Variants in ST6GALNAC3 observed in about 807,000 individuals in gnomAD.
The protein encoded by ST6GALNAC3 is ST6 N-acetylgalactosaminide alpha-2,6-sialyltransferase 3.
Under a neutral mutation model 32.7 loss-of-function variants are expected in ST6GALNAC3, and 25 were observed. The observed-to-expected ratio is 0.76, with a 90% CI of 0.56 to 1.07. The LOEUF is 1.07. Among genes scored for constraint, ST6GALNAC3 ranks in the 50% least tolerant of loss-of-function variants. The probability of loss-of-function intolerance (pLI) is 0.00; values close to 1 mark genes in which losing one functional copy is unlikely to be tolerated. For synonymous variants in ST6GALNAC3, 129 were observed against 133.1 expected (o/e 0.97, Z 0.21); for missense variants, 355 against 382.4 (o/e 0.93, Z 0.60).
chr1:76,437,022 G>A (rs1047350000), intron 3 of ST6GALNAC3, among the ~76,000 whole-genome samples: 1 of 152,102 alleles, frequency 6.6e-6, no homozygotes, highest in South Asian at 2.1e-4. Context: ...GGTGAGCTTT[G>A]CTGTACACTC....
At chr1:76,327,330 A>G (rs1184503615) in intron 2 of ST6GALNAC3, among the ~76,000 whole-genome samples, 1 of 151,192 alleles carries the variant, frequency 6.6e-6, no homozygotes, top group Non-Finnish European at 1.5e-5. Context: ...GTGTATAGAG[A>G]GAGATATTGA....
At chr1:76,491,896 T>A (rs1013906921) in intron 3 of ST6GALNAC3, among the ~76,000 whole-genome samples, 4 of 152,194 alleles carry the variant, frequency 2.6e-5, no homozygotes, top group Non-Finnish European at 5.9e-5. Flanking sequence ...TAGTTTTTGT[T>A]ATCTCTTTTT....
chr1:76,344,130 G>T (rs1648295534), intron 2 of ST6GALNAC3, among the ~76,000 whole-genome samples: 1 of 152,224 alleles, frequency 6.6e-6, no homozygotes, highest in South Asian at 2.1e-4. Context: ...ATGATATTCT[G>T]CTAGAGTTAT....
chr1:76,350,282 C>T (rs116571895), intron 2 of ST6GALNAC3, among the ~76,000 whole-genome samples: 2,016 of 152,132 alleles, frequency 0.013, 54 homozygotes, highest in African/African-American at 0.046. Flanking sequence ...CCTTCTGAGC[C>T]TCCTGAGTAG....
intron 2 of ST6GALNAC3, among the ~76,000 whole-genome samples, chr1:76,352,414 T>C (rs1426719051): frequency 1.3e-5 from 2 of 151,208 alleles, no homozygotes; most frequent in Non-Finnish European, 2.9e-5. Flanking sequence ...TTAAATGAAA[T>C]AAGATAGTAA....
At chr1:76,282,862 C>G (rs1461002623) in intron 1 of ST6GALNAC3, among the ~76,000 whole-genome samples, 3 of 95,212 alleles carry the variant, frequency 3.2e-5, no homozygotes, top group Non-Finnish European at 4.7e-5. Flanking sequence ...CATCCCATCT[C>G]TACTAAAAAA....
intron 2 of ST6GALNAC3, among the ~76,000 whole-genome samples, chr1:76,328,169 A>G (rs1647115765): frequency 6.6e-6 from 1 of 152,216 alleles, no homozygotes; most frequent in Non-Finnish European, 1.5e-5. Flanking sequence ...ATAATCAATT[A>G]CACAGAAAGG....
At chr1:76,085,828 A>T (rs540046619) in intron 1 of ST6GALNAC3, among the ~76,000 whole-genome samples, 1 of 152,230 alleles carries the variant, frequency 6.6e-6, no homozygotes, top group South Asian at 2.1e-4. Context: ...ATTCAAACCC[A>T]TGCATTCCCC....
chr1:76,551,942 G>A lies in ST6GALNAC3; in HGVS notation c.624-75510G>A, dbSNP rs114566295. 2.5e-3 allele frequency among the ~76,000 whole-genome samples: 379 copies of A among 152,266 alleles called. 3 individuals are homozygous for A. The highest frequency in any genetic ancestry group is 8.7e-3 in the African/African-American group (360 of 41,570). ...CAGCTCCACTGTTGGGGGCAGTGGG[G>A]TCACTGCCAATGGTTCATGCTTTGG... On this transcript the variant is annotated intron_variant, in intron 3 of 4. Transcript: ENST00000328299.
intron 2 of ST6GALNAC3, among the ~76,000 whole-genome samples, chr1:76,324,817 G>T (rs1647035630): frequency 6.6e-6 from 1 of 152,102 alleles, no homozygotes; most frequent in Non-Finnish European, 1.5e-5. Flanking sequence ...GAGAAACTGA[G>T]TGTGGGCTAT....
intron 1 of ST6GALNAC3, among the ~76,000 whole-genome samples, chr1:76,081,620 G>A (rs7537853): frequency 0.024 from 3,700 of 152,238 alleles, 119 homozygotes; most frequent in Admixed American, 0.078. Context: ...TGCAAAGACT[G>A]AGGAGATAAG....
chr1:76,261,168 T>C (rs1658212311), intron 1 of ST6GALNAC3, among the ~76,000 whole-genome samples: 2 of 152,194 alleles, frequency 1.3e-5, no homozygotes, highest in Admixed American at 1.3e-4. Context: ...CACTTGAATG[T>C]GTTCTTCCTA....
chr1:76,291,826 T>C (rs1660113858), intron 1 of ST6GALNAC3, among the ~76,000 whole-genome samples: 1 of 152,270 alleles, frequency 6.6e-6, no homozygotes, highest in African/African-American at 2.4e-5. Context: ...TGATTAGTGA[T>C]GTGCAATTTG....
intron 2 of ST6GALNAC3, among the ~76,000 whole-genome samples, chr1:76,374,970 A>G (rs986625112): frequency 2.0e-5 from 3 of 152,004 alleles, no homozygotes; most frequent in African/African-American, 7.2e-5. Flanking sequence ...CTTGGTTTTT[A>G]TAACAACAGT....
rs185866413 is a variant in ST6GALNAC3 at position 76,189,727 on chromosome 1, G to A, written c.18+114843G>A. On this transcript the variant is annotated intron_variant, in intron 1 of 4. Transcript: ENST00000328299. ...CCTCCCACCATGTGGAGGTATGGAG[G>A]AGAGAAAGGCTCTTGCAGAAAAGTA... is the stretch of plus-strand genomic sequence containing the variant. 5.7e-4 allele frequency among the ~76,000 whole-genome samples: 86 copies of A among 151,358 alleles called. No homozygotes were observed. The East Asian group carries it at 0.016, about 29-fold the overall frequency.
intron 2 of ST6GALNAC3, 163 bp from the exon 3 acceptor site, chr1:76,411,845 T>G (rs899443876): frequency 4.4e-6 from 3 of 682,266 alleles, no homozygotes; most frequent in Non-Finnish European, 6.9e-6. Context: ...TGCTGTTAAC[T>G]TGATAATCTG....
intron 1 of ST6GALNAC3, among the ~76,000 whole-genome samples, chr1:76,107,584 G>A (rs1212600950): frequency 6.6e-6 from 1 of 152,120 alleles, no homozygotes; most frequent in Non-Finnish European, 1.5e-5. Flanking sequence ...GTACACAGGG[G>A]CTTTTTTTCT....
At chr1:76,334,521 A>G (rs1647313349) in intron 2 of ST6GALNAC3, among the ~76,000 whole-genome samples, 1 of 152,262 alleles carries the variant, frequency 6.6e-6, no homozygotes, top group Admixed American at 6.5e-5. Context: ...TGTTAGAAGT[A>G]CAAATAAAGC....
rs1350938369 is a variant in ST6GALNAC3, at chr1:76,630,768, T to C, written c.*1962T>C. 3 of 985,582 alleles carry C rather than the reference T, an allele frequency of 3.0e-6. No individual in the cohort carries two copies. Among genetic ancestry groups the C allele is most frequent in the Non-Finnish European group, 3.6e-6 (3 of 829,860 alleles). 61.1% of individuals were successfully genotyped at this position (985,582 alleles called of 1,614,324 possible). A position where few individuals can be genotyped will look rare whatever the true frequency, so the allele number is the denominator to read the frequency against. On this transcript the variant is annotated 3_prime_UTR_variant, in exon 5 of 5. Coordinates refer to ENST00000328299, the MANE Select transcript of ST6GALNAC3 (RefSeq NM_152996.4). ...GTTCTATCGTTGGAAGGAGTTGTTA[T>C]TCTTTTGTTGTTCCCTTATGCAATT...
Sources: allele counts gnomAD v4.1 joint callset (sites outside exome capture counted in the v4.1 genomes callset), GRCh38; gene constraint gnomAD v4.1.1; transcripts MANE v1.5; gene names NCBI Gene and HGNC (gene_info 2026-07-23, HGNC 2026-07-21).